The following TSHR variants were observed in gnomAD, a reference collection of about 807,000 sequenced individuals.
TSHR encodes the protein thyrotropin receptor.
Under a neutral mutation model 64.1 loss-of-function variants are expected in TSHR, and 51 were observed. That is an observed-to-expected ratio of 0.80 (90% CI 0.64 to 1.01). The LOEUF (loss-of-function observed/expected upper bound fraction) is 1.01. Among genes scored for constraint, TSHR ranks in the 50% least tolerant of loss-of-function variants. The pLI, the probability that TSHR is intolerant of heterozygous loss-of-function variation, is 0.00. For synonymous variants in TSHR, 361 were observed against 361.9 expected, an observed-to-expected ratio of 1.00 and a Z score of 0.03; for missense variants, 877 against 942.8, an observed-to-expected ratio of 0.93 and a Z score of 0.91.
chr14:81,067,233 T>C (rs1886683399), intron 2 of TSHR, among the ~76,000 whole-genome samples: 1 of 152,014 alleles, frequency 6.6e-6, no homozygotes, highest in South Asian at 2.1e-4. Context: ...TAAAAATGCT[T>C]CTTATTGACT....
chr14:81,028,406 G>A (rs1421246210), intron 1 of TSHR, among the ~76,000 whole-genome samples: 1 of 152,044 alleles, frequency 6.6e-6, no homozygotes, highest in Non-Finnish European at 1.5e-5. Flanking sequence ...TCAAGGAATA[G>A]TTGAGCAGAG....
intron 1 of TSHR, among the ~76,000 whole-genome samples, chr14:81,028,877 A>C (rs1367067381): frequency 6.6e-6 from 1 of 152,088 alleles, no homozygotes; most frequent in Non-Finnish European, 1.5e-5. Flanking sequence ...CCCAAAATGG[A>C]TTCTTTGAAA....
chr14:80,987,229 T>C (rs1888504759), intron 1 of TSHR, among the ~76,000 whole-genome samples: 3 of 152,218 alleles, frequency 2.0e-5, no homozygotes, highest in Non-Finnish European at 4.4e-5. Context: ...TTATAAGCTC[T>C]TTTAAAAGCC....
intron 1 of TSHR, chr14:81,053,785 C>T (rs1173164114): frequency 6.6e-6 from 1 of 152,178 alleles, no homozygotes; most frequent in East Asian, 1.9e-4. Flanking sequence ...CAGCTTTCTT[C>T]ATAATAGCCC....
chr14:81,055,734 C>T (rs1885747282), intron 1 of TSHR, among the ~76,000 whole-genome samples: 1 of 152,174 alleles, frequency 6.6e-6, no homozygotes, highest in African/African-American at 2.4e-5. Flanking sequence ...TGGCCAATTT[C>T]TCCCATTTGG....
chr14:81,049,730 GTGAT>G (rs1268990326), intron 1 of TSHR: 4 of 152,208 alleles, frequency 2.6e-5, no homozygotes, highest in African/African-American at 9.7e-5. Flanking sequence ...CTGGTGTGAG[GTGAT>G]TGGATCACAG....
At chr14:80,975,783 T>C (rs112779839) in intron 1 of TSHR, among the ~76,000 whole-genome samples, 43 of 152,334 alleles carry the variant, frequency 2.8e-4, no homozygotes, top group African/African-American at 8.9e-4. Flanking sequence ...CACATCATAC[T>C]CCTTGATTGC....
intron 3 of TSHR, among the ~76,000 whole-genome samples, chr14:81,076,623 C>A (rs999232574): frequency 7.2e-5 from 11 of 152,110 alleles, no homozygotes; most frequent in Non-Finnish European, 1.5e-4. Context: ...TATCACTATA[C>A]CTTCTTTCCT....
At chr14:80,987,187 G>A (rs914750751) in intron 1 of TSHR, among the ~76,000 whole-genome samples, 5 of 152,142 alleles carry the variant, frequency 3.3e-5, no homozygotes, top group Non-Finnish European at 7.3e-5. Flanking sequence ...ATCTCCTTCT[G>A]TCAAATATTA....
chr14:81,076,336 C>T (rs1384425205), intron 3 of TSHR, among the ~76,000 whole-genome samples: 1 of 152,116 alleles, frequency 6.6e-6, no homozygotes, highest in African/African-American at 2.4e-5. Context: ...TGGCCCAATC[C>T]TGTGTAGTCT....
intron 1 of TSHR, among the ~76,000 whole-genome samples, chr14:81,006,806 C>A (rs561448385): frequency 6.6e-6 from 1 of 152,266 alleles, no homozygotes; most frequent in African/African-American, 2.4e-5. Context: ...AGTTAACATT[C>A]CTGGCCCCAA....
chr14:81,046,338 A>G (rs552756799), intron 1 of TSHR, among the ~76,000 whole-genome samples: 1 of 152,298 alleles, frequency 6.6e-6, no homozygotes, highest in African/African-American at 2.4e-5. Context: ...AGTGAGAAAA[A>G]TGGAAGACAT....
intron 3 of TSHR, among the ~76,000 whole-genome samples, chr14:81,072,739 T>C (rs547077441): frequency 2.5e-4 from 37 of 150,220 alleles, no homozygotes; most frequent in Admixed American, 2.0e-3. Context: ...ACAGAAAGGT[T>C]GAAAGTGAAA....
chr14:81,059,277 T>C (rs1886052358), intron 1 of TSHR, among the ~76,000 whole-genome samples: 2 of 152,176 alleles, frequency 1.3e-5, no homozygotes, highest in South Asian at 4.1e-4. Flanking sequence ...TTTTAAATGT[T>C]TTCATAAGCT....
intron 1 of TSHR, chr14:81,049,632 T>C (rs1454642345): frequency 6.6e-6 from 1 of 152,168 alleles, no homozygotes; most frequent in Non-Finnish European, 1.5e-5. Context: ...ACTACACATA[T>C]TAAATGGCAG....
intron 1 of TSHR, among the ~76,000 whole-genome samples, chr14:80,964,946 A>C (rs988571995): frequency 2.0e-5 from 3 of 152,236 alleles, no homozygotes; most frequent in Non-Finnish European, 4.4e-5. Context: ...ACTTGAGACC[A>C]TCATTGTGAG....
intron 4 of TSHR, 35 bp from the exon 5 acceptor site, chr14:81,091,034 C>A (rs775988171): frequency 1.2e-5 from 18 of 1,563,928 alleles, no homozygotes; most frequent in East Asian, 2.2e-5. Flanking sequence ...TACCTAAATT[C>A]TATGCTTTTT....
intron 1 of TSHR, among the ~76,000 whole-genome samples, chr14:81,044,396 T>C (rs2110698): frequency 0.84 from 127,607 of 152,208 alleles, 54,163 homozygotes; most frequent in African/African-American, 0.96. Flanking sequence ...CAGTGGCTCA[T>C]GCCTGTAATC....
At chr14:81,109,026 A>G in intron 8 of TSHR, 1 of 1,215,490 alleles carries the variant, frequency 8.2e-7, no homozygotes, top group Non-Finnish European at 1.0e-6. Context: ...TGCTTCCCTG[A>G]AGCCTCTGTA....
Sources: allele counts gnomAD v4.1 joint callset (sites outside exome capture counted in the v4.1 genomes callset), GRCh38; gene constraint gnomAD v4.1.1; transcripts MANE v1.5; gene names NCBI Gene and HGNC (gene_info 2026-07-23, HGNC 2026-07-21).